The following APBA1 variants were observed in gnomAD, a reference collection of about 807,000 sequenced individuals.
The protein encoded by APBA1 is amyloid-beta A4 precursor protein-binding family A member 1.
In APBA1, 55 loss-of-function variants were observed where a neutral mutation model predicts 86.6. The observed-to-expected ratio is 0.64, with a 90% CI of 0.51 to 0.80. The LOEUF is 0.80. Ranked by LOEUF, APBA1 falls within the 30% of genes least tolerant of loss-of-function variation. The pLI, the probability that APBA1 is intolerant of heterozygous loss-of-function variation, is 0.00. For synonymous variants in APBA1, 511 were observed against 493.9 expected, an observed-to-expected ratio of 1.03 and a Z score of -0.46; for missense variants, 1,090 against 1,183.0, an observed-to-expected ratio of 0.92 and a Z score of 1.15.
intron 1 of APBA1, among the ~76,000 whole-genome samples, chr9:69,645,553 T>C (rs563153628): frequency 1.3e-5 from 2 of 152,176 alleles, no homozygotes; most frequent in Non-Finnish European, 2.9e-5. Context: ...CAGTTTCCCT[T>C]GCAGCTAGAG....
chr9:69,441,008 G>T lies in APBA1; in HGVS notation c.2289C>A (p.Val763=). Residue 763 remains valine (V), a synonymous_variant, in exon 11 of 13, where the codon GTC becomes GTA. Transcript: ENST00000265381. ...GTGTTCTACTTACAATTCCATTCTG[G>T]ACGCTGAAACCGAGCTGGTAGCGAA... is the stretch of plus-strand genomic sequence containing the variant. The part of the protein sequence containing the change: ...PDLRYQLGFS[V]QNGIICSLMR... The T allele has an allele frequency of 1.9e-6, 3 of 1,613,824 alleles. No homozygotes were observed. Among genetic ancestry groups the T allele is most frequent in the Non-Finnish European group, 2.5e-6 (3 of 1,179,900 alleles).
At chr9:69,579,133 T>A (rs1821864237) in intron 1 of APBA1, among the ~76,000 whole-genome samples, 1 of 151,988 alleles carries the variant, frequency 6.6e-6, no homozygotes, top group Non-Finnish European at 1.5e-5. Context: ...CTTGTTAACA[T>A]GTGACTCAAT....
At chr9:69,497,158 T>A (rs1398979706) in intron 2 of APBA1, among the ~76,000 whole-genome samples, 2 of 152,020 alleles carry the variant, frequency 1.3e-5, no homozygotes, top group African/African-American at 4.8e-5. Flanking sequence ...GAAACCTACT[T>A]AATTATTCAC....
chr9:69,637,189 T>C (rs1384600142), intron 1 of APBA1, among the ~76,000 whole-genome samples: 7 of 151,720 alleles, frequency 4.6e-5, no homozygotes, highest in Admixed American at 4.6e-4. Flanking sequence ...TTCATAGAGA[T>C]AGAGAATAGA....
rs1461224962 is a variant in APBA1 at position 69,658,272 on chromosome 9, C to CTTTCTT, written c.-70+13875_-70+13880dup. Among the ~76,000 whole-genome samples, 111 of 85,528 alleles carry CTTTCTT rather than the reference C, an allele frequency of 1.3e-3. 2 individuals are homozygous for CTTTCTT. The highest frequency in any genetic ancestry group is 2.4e-3 in the East Asian group (7 of 2,972). 56.1% of individuals were successfully genotyped at this position (85,528 alleles called of 152,430 possible). On this transcript the variant is annotated intron_variant, in intron 1 of 12. Coordinates refer to ENST00000265381, the MANE Select transcript of APBA1 (RefSeq NM_001163.4). ...TCTTTCTTTCTTTCTTTCTTTCTTT[C>CTTTCTT]TTTCTTTCTTTCTCTCTCTCTTTCT...
At chr9:69,566,019 C>T (rs1278091227) in intron 1 of APBA1, among the ~76,000 whole-genome samples, 1 of 152,236 alleles carries the variant, frequency 6.6e-6, no homozygotes, top group Non-Finnish European at 1.5e-5. Flanking sequence ...CGTTCCCACC[C>T]CTATTCCCAG....
At position 69,429,603 on chromosome 9, in the gene APBA1, A is replaced by AAACTC. The variant is rs1374308973; in HGVS notation, c.*1719_*1723dup. 1 of 152,074 alleles carries AAACTC rather than the reference A, an allele frequency of 6.6e-6. No homozygotes were observed. Among genetic ancestry groups the AAACTC allele is most frequent in the Non-Finnish European group, 1.5e-5 (1 of 68,014 alleles). 9.4% of individuals were successfully genotyped at this position (152,074 alleles called of 1,614,324 possible). On this transcript the variant is annotated 3_prime_UTR_variant, in exon 13 of 13. Coordinates refer to ENST00000265381, the MANE Select transcript of APBA1 (RefSeq NM_001163.4). ...CTGAGCTTCCCTGATTCTAAGCAGAAAACTCAGAAGATGCAGAGATCTCGG... is the reference window on the plus strand; with the variant it reads ...CTGAGCTTCCCTGATTCTAAGCAGAAAACTCAACTCAGAAGATGCAGAGATCTCGG...
intron 1 of APBA1, among the ~76,000 whole-genome samples, chr9:69,614,236 A>G (rs1822651391): frequency 6.6e-6 from 1 of 152,200 alleles, no homozygotes; most frequent in African/African-American, 2.4e-5. Context: ...CTTCCCCAGC[A>G]TCAAAATTCT....
chr9:69,453,057 T>C (rs1001741474), intron 8 of APBA1, among the ~76,000 whole-genome samples: 1 of 152,260 alleles, frequency 6.6e-6, no homozygotes, highest in South Asian at 2.1e-4. Flanking sequence ...CATCTCACTA[T>C]CTCATTATGC....
At chr9:69,496,841 TC>T (rs1466488132) in intron 2 of APBA1, among the ~76,000 whole-genome samples, 1 of 152,030 alleles carries the variant, frequency 6.6e-6, no homozygotes, top group African/African-American at 2.4e-5. Context: ...TGCAGCCATT[TC>T]CCCCATTATC....
At chr9:69,625,901 G>A (rs1469620457) in intron 1 of APBA1, among the ~76,000 whole-genome samples, 4 of 152,002 alleles carry the variant, frequency 2.6e-5, no homozygotes, top group Admixed American at 2.6e-4. Context: ...TAATTCTTAA[G>A]CACATTCTTT....
intron 2 of APBA1, among the ~76,000 whole-genome samples, chr9:69,495,750 C>T (rs1458154211): frequency 6.6e-6 from 1 of 152,030 alleles, no homozygotes; most frequent in Non-Finnish European, 1.5e-5. Context: ...TTTATAGAAC[C>T]TGTGAAAAAG....
chr9:69,516,650 A>ATAGGGCTCGGAG lies in APBA1; in HGVS notation c.549_560dup (p.Ser184_Tyr187dup), dbSNP rs1419523492. ...GCTCCTGGAGGCCGCCGTAGTCGGCATAGGGCTCGGAGTAGGGCTCGTCCT... is the reference window on the plus strand; with the variant it reads ...GCTCCTGGAGGCCGCCGTAGTCGGCATAGGGCTCGGAGTAGGGCTCGGAGTAGGGCTCGTCCT... On this transcript the variant is annotated inframe_insertion, in exon 2 of 13. Coordinates refer to ENST00000265381, the MANE Select transcript of APBA1 (RefSeq NM_001163.4). This position sits in a 1 kb window ranked among gnomAD's most constrained non-coding sequence, Gnocchi z 7.3. The ATAGGGCTCGGAG allele has an allele frequency of 1.2e-6, 2 of 1,609,146 alleles. No individual in the cohort carries two copies. The highest frequency in any genetic ancestry group is 1.3e-5 in the African/African-American group (1 of 74,864).
chr9:69,571,181 C>T (rs553783079), intron 1 of APBA1, among the ~76,000 whole-genome samples: 2 of 152,274 alleles, frequency 1.3e-5, no homozygotes, highest in East Asian at 1.9e-4. Flanking sequence ...TGAATGAATG[C>T]ATGACAAGGG....
intron 1 of APBA1, among the ~76,000 whole-genome samples, chr9:69,621,079 G>A (rs905859838): frequency 2.6e-5 from 4 of 152,220 alleles, no homozygotes; most frequent in Non-Finnish European, 4.4e-5. Context: ...GTAAAATGGA[G>A]TTGGATAGGA....
intron 2 of APBA1, among the ~76,000 whole-genome samples, chr9:69,482,216 C>A (rs934423278): frequency 6.6e-6 from 1 of 151,968 alleles, no homozygotes; most frequent in Non-Finnish European, 1.5e-5. Context: ...TTTTTGCAAC[C>A]TACTCATCTG....
intron 3 of APBA1, among the ~76,000 whole-genome samples, chr9:69,474,709 T>C (rs977507513): frequency 3.9e-5 from 6 of 152,202 alleles, no homozygotes; most frequent in Non-Finnish European, 4.4e-5. Flanking sequence ...TAAATTCTAA[T>C]GTTGGTGTCA....
chr9:69,635,999 G>T (rs1281360405), intron 1 of APBA1, among the ~76,000 whole-genome samples: 2 of 152,172 alleles, frequency 1.3e-5, no homozygotes, highest in Non-Finnish European at 2.9e-5. Context: ...GAAAATATTT[G>T]CAAACTACCC....
chr9:69,626,558 A>C (rs1019621470), intron 1 of APBA1, among the ~76,000 whole-genome samples: 3 of 152,204 alleles, frequency 2.0e-5, no homozygotes, highest in Non-Finnish European at 2.9e-5. Flanking sequence ...GCTAAACTGC[A>C]TAAACAAACA....
Sources: gnomAD v4.1 joint callset for allele counts (sites outside exome capture counted in the v4.1 genomes callset) on GRCh38, gnomAD v4.1.1 for gene constraint, Gnocchi (gnomAD v3.1) non-coding constraint, MANE v1.5 for transcripts, NCBI Gene and HGNC (gene_info 2026-07-23, HGNC 2026-07-21) for gene names.